Variants in CPQ observed in about 807,000 individuals in gnomAD.
CPQ encodes Ser-Met dipeptidase.
In CPQ, 37 loss-of-function variants were observed where a neutral mutation model predicts 45.7. That is an observed-to-expected ratio of 0.81 (90% CI 0.62 to 1.07). The LOEUF is 1.07. CPQ is among the 50% of genes least tolerant of loss of function. The probability of loss-of-function intolerance (pLI) is 0.00; values close to 1 mark genes in which losing one functional copy is unlikely to be tolerated. For missense variants in CPQ, 537 were observed against 572.9 expected (o/e 0.94, Z 0.64); for synonymous variants, 186 against 205.8 (o/e 0.90, Z 0.82).
chr8:96,693,207 G>C (rs1809326732), intron 1 of CPQ, among the ~76,000 whole-genome samples: 1 of 151,886 alleles, frequency 6.6e-6, no homozygotes, highest in East Asian at 1.9e-4. Flanking sequence ...AATGGCCTCA[G>C]AAGTGCAAAT....
At chr8:96,671,391 T>G (rs1237067731) in intron 1 of CPQ, among the ~76,000 whole-genome samples, 1 of 152,204 alleles carries the variant, frequency 6.6e-6, no homozygotes, top group Admixed American at 6.5e-5. Context: ...AAAATTTTAG[T>G]GTTCCACTGT....
At chr8:97,007,069 A>T (rs761409627) in intron 5 of CPQ, among the ~76,000 whole-genome samples, 1 of 152,306 alleles carries the variant, frequency 6.6e-6, no homozygotes, top group East Asian at 1.9e-4. Context: ...TAAAAAGCAC[A>T]CTACTGTTCC....
chr8:96,988,180 T>C (rs1809023978), intron 5 of CPQ, among the ~76,000 whole-genome samples: 1 of 152,242 alleles, frequency 6.6e-6, no homozygotes, highest in African/African-American at 2.4e-5. Context: ...AGTTTTTACA[T>C]GCTCTTTTTT....
chr8:96,670,310 ATTTTTTTTTTTTTT>A (rs76070257), intron 1 of CPQ, among the ~76,000 whole-genome samples: 4 of 143,996 alleles, frequency 2.8e-5, no homozygotes, highest in Admixed American at 6.9e-5. Context: ...GAGTGACTCA[ATTTTTTTTTTTTTT>A]TTTTTTTTTT....
chr8:96,785,006 A>G lies in CPQ; in HGVS notation c.109A>G (p.Lys37Glu). 5.6e-6 allele frequency: 9 copies of G among 1,613,846 alleles called. No homozygotes were observed. Among genetic ancestry groups the G allele is most frequent in the Non-Finnish European group, 6.8e-6 (8 of 1,179,808 alleles). The change falls in exon 2 of 8, where the codon AAA becomes GAA. Residue 37 changes from lysine to glutamate, a missense_variant. Physicochemically the swap from Lys to Glu is moderately conservative, Grantham distance 56. Coordinates refer to ENST00000220763, the MANE Select transcript of CPQ (RefSeq NM_016134.4). ...GISKRTFEEI[K>E]EEIASCGDVA... ...CTCTAAGAGGACTTTTGAAGAAATAAAAGAAGAAATAGCCAGCTGTGGAGA... is the reference window on the plus strand; with the variant it reads ...CTCTAAGAGGACTTTTGAAGAAATAGAAGAAGAAATAGCCAGCTGTGGAGA...
intron 5 of CPQ, among the ~76,000 whole-genome samples, chr8:97,023,737 GT>G (rs1809749102): frequency 6.6e-6 from 1 of 152,114 alleles, no homozygotes. Flanking sequence ...CTTCTTTACA[GT>G]TAATCACCCA....
At chr8:96,684,160 A>G (rs999134731) in intron 1 of CPQ, among the ~76,000 whole-genome samples, 1 of 152,138 alleles carries the variant, frequency 6.6e-6, no homozygotes, top group African/African-American at 2.4e-5. Context: ...TGACATAACA[A>G]TTGCTTCTGA....
chr8:96,792,094 G>A (rs1250892270), intron 2 of CPQ, among the ~76,000 whole-genome samples: 1 of 152,124 alleles, frequency 6.6e-6, no homozygotes, highest in Non-Finnish European at 1.5e-5. Context: ...CTCAACTTCA[G>A]TATTACAGTA....
intron 5 of CPQ, among the ~76,000 whole-genome samples, chr8:96,971,865 G>T (rs543171643): frequency 2.0e-5 from 3 of 152,302 alleles, no homozygotes; most frequent in African/African-American, 7.2e-5. Flanking sequence ...TGTGAAGAAG[G>T]ATTAAAATGG....
At chr8:97,108,031 G>A (rs960118364) in intron 7 of CPQ, among the ~76,000 whole-genome samples, 1 of 152,188 alleles carries the variant, frequency 6.6e-6, no homozygotes, top group African/African-American at 2.4e-5. Context: ...GTGGTGGGAC[G>A]ATGTGGAAGT....
At chr8:96,880,061 A>G (rs1302094732) in intron 4 of CPQ, 56 bp downstream of exon 4, 8 of 1,482,052 alleles carry the variant, frequency 5.4e-6, no homozygotes, top group Non-Finnish European at 6.6e-6. Flanking sequence ...AGTTTGAGTT[A>G]TTAGAGATAG....
At chr8:96,737,761 A>G (rs1323401656) in intron 1 of CPQ, among the ~76,000 whole-genome samples, 1 of 152,122 alleles carries the variant, frequency 6.6e-6, no homozygotes, top group African/African-American at 2.4e-5. Context: ...GGTTTAGCAC[A>G]TTAATTTTTC....
At chr8:96,868,273 T>G (rs950381591) in intron 3 of CPQ, among the ~76,000 whole-genome samples, 6 of 152,098 alleles carry the variant, frequency 3.9e-5, no homozygotes, top group African/African-American at 1.4e-4. Flanking sequence ...TGAATAAGTT[T>G]GCCTGTCTTA....
intron 4 of CPQ, among the ~76,000 whole-genome samples, chr8:96,914,535 A>T (rs1002037803): frequency 1.3e-5 from 2 of 152,164 alleles, no homozygotes; most frequent in Non-Finnish European, 1.5e-5. Context: ...TCTGAAATAC[A>T]ATTTTTTTGT....
intron 2 of CPQ, among the ~76,000 whole-genome samples, chr8:96,819,076 A>G (rs553071891): frequency 1.2e-4 from 18 of 152,016 alleles, no homozygotes; most frequent in Non-Finnish European, 1.0e-4. Context: ...CTGAAAAACT[A>G]TATTTTTTTT....
At chr8:96,782,424 G>A (rs1391204058) in intron 1 of CPQ, among the ~76,000 whole-genome samples, 2 of 152,156 alleles carry the variant, frequency 1.3e-5, no homozygotes, top group Non-Finnish European at 2.9e-5. Context: ...CATTTGGGTA[G>A]GTGAGGTGCA....
intron 3 of CPQ, among the ~76,000 whole-genome samples, chr8:96,875,466 T>C (rs372481301): frequency 6.6e-6 from 1 of 151,974 alleles, no homozygotes; most frequent in East Asian, 1.9e-4. Flanking sequence ...TTGAAATTGT[T>C]TTGTCTATGG....
chr8:96,977,213 A>G (rs895691812), intron 5 of CPQ, among the ~76,000 whole-genome samples: 1 of 152,126 alleles, frequency 6.6e-6, no homozygotes, highest in African/African-American at 2.4e-5. Flanking sequence ...AAGAAGATAT[A>G]CAAATGGCCA....
chr8:97,021,563 T>G (rs551635251), intron 5 of CPQ, among the ~76,000 whole-genome samples: 2 of 152,210 alleles, frequency 1.3e-5, no homozygotes, highest in South Asian at 4.2e-4. Flanking sequence ...TATATACCAA[T>G]AGTGACCAAA....
Sources: gnomAD v4.1 joint callset for allele counts (sites outside exome capture counted in the v4.1 genomes callset) on GRCh38, gnomAD v4.1.1 for gene constraint, MANE v1.5 for transcripts, NCBI Gene and HGNC (gene_info 2026-07-23, HGNC 2026-07-21) for gene names.